Variants in GNA14 observed in about 807,000 individuals in gnomAD.
GNA14 encodes the protein G protein subunit alpha 14, also known as guanine nucleotide-binding protein subunit alpha-14.
Under a neutral mutation model 42.0 loss-of-function variants are expected in GNA14, and 50 were observed. The observed-to-expected ratio is 1.19, with a 90% CI of 0.95 to 1.51. GNA14 has a LOEUF of 1.51. Among genes scored for constraint, GNA14 ranks in the 40% most tolerant of loss-of-function variants. The pLI is 0.00. For missense variants in GNA14, 473 were observed against 446.2 expected, an observed-to-expected ratio of 1.06 and a Z score of -0.54; for synonymous variants, 173 against 163.1, an observed-to-expected ratio of 1.06 and a Z score of -0.46.
intron 1 of GNA14, among the ~76,000 whole-genome samples, chr9:77,568,976 C>T (rs149084440): frequency 4.6e-5 from 7 of 152,268 alleles, no homozygotes; most frequent in African/African-American, 1.7e-4. Flanking sequence ...TCGATATTTT[C>T]AGGTGGATCT....
At chr9:77,611,786 A>G (rs1316869127) in intron 1 of GNA14, among the ~76,000 whole-genome samples, 1 of 152,110 alleles carries the variant, frequency 6.6e-6, no homozygotes, top group Non-Finnish European at 1.5e-5. Flanking sequence ...CACCCACCAT[A>G]CCCTGATGCT....
At chr9:77,561,060 T>A (rs1191709162) in intron 1 of GNA14, among the ~76,000 whole-genome samples, 2 of 152,204 alleles carry the variant, frequency 1.3e-5, no homozygotes, top group East Asian at 3.9e-4. Flanking sequence ...GTCCCAGTGT[T>A]TTCACTACAA....
At chr9:77,622,374 A>G (rs1159139358) in intron 1 of GNA14, among the ~76,000 whole-genome samples, 2 of 152,204 alleles carry the variant, frequency 1.3e-5, no homozygotes, top group Non-Finnish European at 2.9e-5. Context: ...AGAACTTAGA[A>G]AGTGTAGAAC....
intron 1 of GNA14, among the ~76,000 whole-genome samples, chr9:77,625,063 T>C (rs945884797): frequency 6.6e-6 from 1 of 151,016 alleles, no homozygotes; most frequent in Admixed American, 6.6e-5. Context: ...AGAACATAAA[T>C]GACCTGATGG....
At chr9:77,614,250 G>A (rs905499829) in intron 1 of GNA14, among the ~76,000 whole-genome samples, 2 of 152,046 alleles carry the variant, frequency 1.3e-5, no homozygotes, top group Admixed American at 1.3e-4. Context: ...CTGAGAATAG[G>A]AGATTTATTA....
intron 2 of GNA14, among the ~76,000 whole-genome samples, chr9:77,494,303 A>G (rs1836834781): frequency 6.6e-6 from 1 of 152,212 alleles, no homozygotes. Context: ...AGGCATCAGT[A>G]ATGATTTCAT....
At chr9:77,517,236 G>A (rs537620397) in intron 2 of GNA14, among the ~76,000 whole-genome samples, 1 of 152,280 alleles carries the variant, frequency 6.6e-6, no homozygotes, top group South Asian at 2.1e-4. Flanking sequence ...TTATGGTGTG[G>A]AGATGTGTAG....
rs186551072 is a variant in GNA14 at position 77,566,539 on chromosome 9, A to G, written c.125-37286T>C. Among the ~76,000 whole-genome samples, 3 of 152,326 alleles carry G rather than the reference A, an allele frequency of 2.0e-5. No individual in the cohort carries two copies. In the East Asian group the frequency reaches 5.8e-4, roughly 29 times the overall value. ...CATACACAACACCAAACTGCCCTTC[A>G]GAGTGGATATGCCAGTGTTGTCTCC... On this transcript the variant is annotated intron_variant, in intron 1 of 6. Transcript: ENST00000341700.
chr9:77,643,300 T>C (rs1194112493), intron 1 of GNA14, among the ~76,000 whole-genome samples: 1 of 150,934 alleles, frequency 6.6e-6, no homozygotes, highest in East Asian at 2.0e-4. Context: ...AGTGCAATGG[T>C]GCTATCTCAG....
chr9:77,647,615 G>A (rs1824379262), intron 1 of GNA14, 55 bp downstream of exon 1: 2 of 1,574,354 alleles, frequency 1.3e-6, no homozygotes, highest in Non-Finnish European at 8.6e-7. Context: ...GAGAGGCCGG[G>A]AGGGCTCGGA....
chr9:77,441,589 A>T (rs976252521), intron 2 of GNA14, among the ~76,000 whole-genome samples: 2 of 152,240 alleles, frequency 1.3e-5, no homozygotes, highest in African/African-American at 4.8e-5. Flanking sequence ...AGTGAGATTA[A>T]GATAAAATAT....
At chr9:77,638,437 GA>G (rs1307870925) in intron 1 of GNA14, among the ~76,000 whole-genome samples, 1 of 152,214 alleles carries the variant, frequency 6.6e-6, no homozygotes, top group African/African-American at 2.4e-5. Flanking sequence ...GCCTTGTCAA[GA>G]GATGAACTTT....
chr9:77,530,868 C>T (rs1041921865), intron 1 of GNA14, among the ~76,000 whole-genome samples: 12 of 152,202 alleles, frequency 7.9e-5, no homozygotes, highest in Admixed American at 6.5e-4. Context: ...CACTGTCCTC[C>T]CATCTCAGAG....
intron 1 of GNA14, among the ~76,000 whole-genome samples, chr9:77,636,210 G>A (rs1359172527): frequency 6.6e-6 from 1 of 152,178 alleles, no homozygotes; most frequent in Non-Finnish European, 1.5e-5. Context: ...GGGTTACTCA[G>A]AAAGGAAGGT....
At chr9:77,623,159 G>A (rs1430785092) in intron 1 of GNA14, among the ~76,000 whole-genome samples, 1 of 125,724 alleles carries the variant, frequency 8.0e-6, no homozygotes, top group Non-Finnish European at 1.6e-5. Flanking sequence ...AGAGGTTGCA[G>A]TGAACCAAGA....
intron 4 of GNA14, among the ~76,000 whole-genome samples, chr9:77,429,720 A>G (rs1208461301): frequency 6.6e-6 from 1 of 152,214 alleles, no homozygotes. Flanking sequence ...GGCCCTGTCT[A>G]CAGGGAAGCC....
At chr9:77,489,221 C>T (rs1201116562) in intron 2 of GNA14, among the ~76,000 whole-genome samples, 3 of 151,462 alleles carry the variant, frequency 2.0e-5, no homozygotes, top group Non-Finnish European at 4.4e-5. Context: ...TGAAAATACA[C>T]AGTTAGAGGG....
rs572004226 is a variant in GNA14, at chr9:77,637,357, T to C, written c.124+10313A>G. Among the ~76,000 whole-genome samples, 20 of 152,138 alleles carry C rather than the reference T, an allele frequency of 1.3e-4. 1 individual carries two copies. The highest frequency in any genetic ancestry group is 3.4e-3 in the Middle Eastern group (1 of 294). ...CTCTTTAAACCTAAGAAGCACACAC[T>C]GAAAAGGGAAAAAAACAGAGATCTG... On this transcript the variant is annotated intron_variant, in intron 1 of 6. Coordinates refer to ENST00000341700, the MANE Select transcript of GNA14 (RefSeq NM_004297.4).
At chr9:77,487,392 TTAAAAA>T (rs1836679757) in intron 2 of GNA14, among the ~76,000 whole-genome samples, 1 of 152,230 alleles carries the variant, frequency 6.6e-6, no homozygotes, top group African/African-American at 2.4e-5. Flanking sequence ...GTTACTTTGA[TTAAAAA>T]TAAAAAAGTA....
Sources: gnomAD v4.1 joint callset for allele counts (sites outside exome capture counted in the v4.1 genomes callset) on GRCh38, gnomAD v4.1.1 for gene constraint, MANE v1.5 for transcripts, NCBI Gene and HGNC (gene_info 2026-07-23, HGNC 2026-07-21) for gene names.